MYO1G: variants seen among roughly 807,000 people sequenced by gnomAD.
MYO1G encodes the protein myosin IG, also known as unconventional myosin-Ig.
In MYO1G, 65 loss-of-function variants were observed where a neutral mutation model predicts 115.3. The observed-to-expected ratio is 0.56, with a 90% CI of 0.46 to 0.69. The LOEUF (loss-of-function observed/expected upper bound fraction) is 0.69, where lower values mean the gene tolerates loss of function less well. Ranked by LOEUF, MYO1G falls within the 30% of genes least tolerant of loss-of-function variation. The pLI is 0.00. For synonymous variants in MYO1G, 510 were observed against 552.6 expected (o/e 0.92, Z 1.08); for missense variants, 1,204 against 1,393.5 (o/e 0.86, Z 2.16).
chr7:44,970,666 AT>A lies in MYO1G; in HGVS notation c.1142del (p.Asp381ValfsTer48). Reference protein sequence around the residue: ...INSVMEPRGRDPRRDGKDTVI... With the variant: ...INSVMEPRGRXPRRDGKDTVI... The stretch of plus-strand genomic sequence containing the variant: ...CTGTGTCCTTGCCATCACGCCGAGG[AT>A]CCCGGCCCCGGGGTTCCATGACACT... On this transcript the variant is annotated frameshift_variant, in exon 9 of 22. Transcript: ENST00000258787. LOFTEE classifies it high-confidence loss of function. 6.2e-7 allele frequency: 1 copy of A among 1,613,932 alleles called. No individual in the cohort carries two copies. Among genetic ancestry groups the A allele is most frequent in the Non-Finnish European group, 8.5e-7 (1 of 1,180,032 alleles).
chr7:44,963,281 C>T lies in MYO1G; in HGVS notation c.2746-157G>A, dbSNP rs1345779268. ...CCAGCCCCCCACCGCCCCCTCCTCC[C>T]TCTCGGGGCCCTGCTGACAGGGGGA... On this transcript the variant is annotated intron_variant, in intron 20 of 21. Coordinates refer to ENST00000258787, the MANE Select transcript of MYO1G (RefSeq NM_033054.3). The surrounding 1 kb of genome is among the most constrained non-coding windows in gnomAD (Gnocchi z 4.1). 3.0e-5 allele frequency: 24 copies of T among 789,728 alleles called. No homozygotes were observed. The highest frequency in any genetic ancestry group is 1.1e-5 in the Non-Finnish European group (6 of 535,336). The allele number at this position is 789,728 out of a possible 1,614,324, so 48.9% of individuals were successfully genotyped here.
At chr7:44,972,770 G>C (rs1334641980) in intron 5 of MYO1G, 2 of 155,460 alleles carry the variant, frequency 1.3e-5, no homozygotes, top group Non-Finnish European at 2.8e-5. Flanking sequence ...GTCCTAGGGA[G>C]CTCAGCGTCT....
In MYO1G at chr7:44,970,066, C is replaced by A. The variant is rs545754641; in HGVS notation, c.1306G>T (p.Glu436Ter). The change falls in exon 10 of 22, where the codon GAG becomes TAG. Residue 436 changes from glutamate (E) to a stop codon, truncating the protein, a stop_gained. Coordinates refer to ENST00000258787, the MANE Select transcript of MYO1G (RefSeq NM_033054.3). LOFTEE classifies it high-confidence loss of function. ...CTCTGCCAGGTGATGCCCTCGCGCTCGTACTCTTCCTGTTCCTGCTTCAGG... is the reference window on the plus strand; with the variant it reads ...CTCTGCCAGGTGATGCCCTCGCGCTAGTACTCTTCCTGTTCCTGCTTCAGG... ...LILKQEQEEY[E>*]REGITWQSVE... 3 of 1,614,038 alleles carry A rather than the reference C, an allele frequency of 1.9e-6. No individual in the cohort carries two copies. Among genetic ancestry groups the A allele is most frequent in the South Asian group, 1.1e-5 (1 of 91,068 alleles).
chr7:44,972,108 C>T lies in MYO1G; in HGVS notation c.729+7G>A. The T allele has an allele frequency of 1.2e-6, 2 of 1,608,136 alleles. No individual in the cohort carries two copies. Among genetic ancestry groups the T allele is most frequent in the African/African-American group, 1.3e-5 (1 of 74,938 alleles). On this transcript the variant is annotated splice_region_variant and intron_variant, in intron 6 of 21. Coordinates refer to ENST00000258787, the MANE Select transcript of MYO1G (RefSeq NM_033054.3). Reference sequence around the variant, plus strand: ...CAGTTTGAGCCCTTGGTGCCCCTCACACTCACACTGTGCACAGTCATGTTG... The same window carrying T: ...CAGTTTGAGCCCTTGGTGCCCCTCATACTCACACTGTGCACAGTCATGTTG...
Position 44,978,921 on chromosome 7 carries a change from A to G in MYO1G, c.41T>C (p.Phe14Ser), listed in dbSNP as rs1210365013. 6.2e-6 allele frequency: 10 copies of G among 1,614,026 alleles called. No individual in the cohort carries two copies. The highest frequency in any genetic ancestry group is 8.5e-6 in the Non-Finnish European group (10 of 1,179,996). The change falls in exon 1 of 22, where the codon TTT becomes TCT. Residue 14 changes from phenylalanine (F) to serine (S), a missense_variant. Physicochemically the swap from Phe to Ser is radical, Grantham distance 155. Coordinates refer to ENST00000258787, the MANE Select transcript of MYO1G (RefSeq NM_033054.3). ...EEGPEYGKPD[F>S]VLLDQVTMED... is the part of the protein sequence containing the mutation. ...CATGGTCACTTGGTCCAAAAGCACAAAGTCAGGTTTGCCATACTCAGGGCC... is the reference window on the plus strand; with the variant it reads ...CATGGTCACTTGGTCCAAAAGCACAGAGTCAGGTTTGCCATACTCAGGGCC...
In MYO1G at chr7:44,970,819, C is replaced by G; in HGVS notation, c.1071+16G>C. The G allele has an allele frequency of 6.2e-7, 1 of 1,613,650 alleles. No homozygotes were observed. The highest frequency in any genetic ancestry group is 8.5e-7 in the Non-Finnish European group (1 of 1,179,982). ...GGCCTCCTGGGCTTCCCTCCCTGTG[C>G]CTGCCCCCAAAGTACCTTGGCACAG... On this transcript the variant is annotated intron_variant, in intron 8 of 21. Transcript: ENST00000258787.
At position 44,962,848 on chromosome 7, in the gene MYO1G, C is replaced by T; in HGVS notation, c.2948G>A (p.Ser983Asn). The change falls in exon 22 of 22, where the codon AGC (serine) becomes AAC (asparagine). Residue 983 changes from serine (S) to asparagine (N), a missense_variant. Ser to Asn is a conservative substitution (Grantham distance 46). Coordinates refer to ENST00000258787, the MANE Select transcript of MYO1G (RefSeq NM_033054.3). This position sits in a 1 kb window ranked among gnomAD's most constrained non-coding sequence, Gnocchi z 5.3. The stretch of plus-strand genomic sequence containing the variant: ...GATGAGGCGCCGGACCCCGCGATGG[C>T]TTAGTGGGATGCAGTCGGAGACGCG... ...EVRVSDCIPL[S>N]HRGVRRLISV... 1 of 1,512,850 alleles carries T rather than the reference C, an allele frequency of 6.6e-7. No homozygotes were observed. Among genetic ancestry groups the T allele is most frequent in the Non-Finnish European group, 8.8e-7 (1 of 1,133,674 alleles). 93.7% of individuals were successfully genotyped at this position (1,512,850 alleles called of 1,614,324 possible).
chr7:44,966,368 C>T lies in MYO1G; in HGVS notation c.1950-88G>A. The T allele has an allele frequency of 8.3e-7, 1 of 1,202,534 alleles. No individual in the cohort carries two copies. Among genetic ancestry groups the T allele is most frequent in the Non-Finnish European group, 1.2e-6 (1 of 844,500 alleles). 74.5% of individuals were successfully genotyped at this position (1,202,534 alleles called of 1,614,324 possible). Reference sequence around the variant, plus strand: ...GCCCACCCCACACCTGGGGAGATGGCAGGGATACAGAGTGTGTTCCTGGAG... The same window carrying T: ...GCCCACCCCACACCTGGGGAGATGGTAGGGATACAGAGTGTGTTCCTGGAG... On this transcript the variant is annotated intron_variant, in intron 15 of 21. Transcript: ENST00000258787. This position sits in a 1 kb window ranked among gnomAD's most constrained non-coding sequence, Gnocchi z 5.0.
chr7:44,966,898 C>G lies in MYO1G; in HGVS notation c.1783-60G>C. 8 of 1,517,926 alleles carry G rather than the reference C, an allele frequency of 5.3e-6. No individual in the cohort carries two copies. The highest frequency in any genetic ancestry group is 7.1e-6 in the Non-Finnish European group (8 of 1,130,128). 94.0% of individuals were successfully genotyped at this position (1,517,926 alleles called of 1,614,324 possible). A position where few individuals can be genotyped will look rare whatever the true frequency, so the allele number is the denominator to read the frequency against. On this transcript the variant is annotated intron_variant, in intron 14 of 21. Transcript: ENST00000258787. The surrounding 1 kb of genome is among the most constrained non-coding windows in gnomAD (Gnocchi z 5.0). ...GCCAGCAGCACTGTGCACCCTGCCC[C>G]ACACCAGGGGCTTCCTAACCCCTCA...
In MYO1G at chr7:44,962,981, T is replaced by A; in HGVS notation, c.2889A>T (p.Ala963=). ...RVGELVGVLA[A]HCQGEGRTLE... is the part of the protein sequence containing the mutation. ...CAGCCTGCACTCACCCCTGGCAGTG[T>A]GCGGCCAGCACGCCCACCAGCTCCC... Residue 963 remains alanine, a synonymous_variant, in exon 21 of 22, where the codon GCA becomes GCT. Transcript: ENST00000258787. The surrounding 1 kb of genome is among the most constrained non-coding windows in gnomAD (Gnocchi z 5.3). 6.5e-7 allele frequency: 1 copy of A among 1,532,912 alleles called. No homozygotes were observed. The highest frequency in any genetic ancestry group is 1.4e-5 in the African/African-American group (1 of 71,620). 95.0% of individuals were successfully genotyped at this position (1,532,912 alleles called of 1,614,324 possible).
rs552683556 is a variant in MYO1G at position 44,972,519 on chromosome 7, G to A, written c.619-294C>T. The stretch of plus-strand genomic sequence containing the variant: ...CAGTCCCTGTGGAGACATTGCCCTC[G>A]ACCCAGGGGGATCCCACCTCAGTGG... On this transcript the variant is annotated intron_variant, in intron 5 of 21. Coordinates refer to ENST00000258787, the MANE Select transcript of MYO1G (RefSeq NM_033054.3). The A allele has an allele frequency of 2.3e-5, 9 of 394,582 alleles. No individual in the cohort carries two copies. In the East Asian group the frequency reaches 2.3e-4, roughly 10 times the overall value. The allele number at this position is 394,582 out of a possible 1,614,324, so 24.4% of individuals were successfully genotyped here. A position where few individuals can be genotyped will look rare whatever the true frequency, so the allele number is the denominator to read the frequency against.
In MYO1G at chr7:44,976,991, C is replaced by T. The variant is rs1291223575; in HGVS notation, c.176G>A (p.Gly59Glu). 3 of 1,613,538 alleles carry T rather than the reference C, an allele frequency of 1.9e-6. No individual in the cohort carries two copies. The highest frequency in any genetic ancestry group is 2.5e-6 in the Non-Finnish European group (3 of 1,180,040). ...CTGGTACCTGGCGATGGCCTCAGGC[C>T]CATACAGGGGCAGCTCCTGGTAGGG... ...VNPYQELPLY[G>E]PEAIARYQGR... Residue 59 changes from glycine to glutamate, a missense_variant, in exon 2 of 22, where the codon GGG (glycine) becomes GAG (glutamate). Gly to Glu is a moderately conservative substitution (Grantham distance 98, BLOSUM62 -2). Transcript: ENST00000258787.
At position 44,966,201 on chromosome 7, in the gene MYO1G, G is replaced by C; in HGVS notation, c.2029C>G (p.Gln677Glu). ...GCCACGTCCCCCTGCAGCCCGTGCT[G>C]CTCCAGGAGAGCGCTCACGGCTGCC... ...DKAAVSALLEQHGLQGDVAFG... is the reference protein window; with the variant it reads ...DKAAVSALLEEHGLQGDVAFG... The change falls in exon 16 of 22, where the codon CAG (glutamine) becomes GAG (glutamate). Residue 677 changes from glutamine to glutamate, a missense_variant. Gln to Glu is a conservative substitution (Grantham distance 29, BLOSUM62 2). Transcript: ENST00000258787. This position sits in a 1 kb window ranked among gnomAD's most constrained non-coding sequence, Gnocchi z 5.0. 1.2e-6 allele frequency: 2 copies of C among 1,612,770 alleles called. No homozygotes were observed. Among genetic ancestry groups the C allele is most frequent in the Non-Finnish European group, 1.7e-6 (2 of 1,179,908 alleles).
Position 44,962,850 on chromosome 7 carries a change from T to TA in MYO1G, c.2945dup (p.Ser983LysfsTer?). The TA allele has an allele frequency of 2.0e-6, 3 of 1,510,770 alleles. No individual in the cohort carries two copies. The highest frequency in any genetic ancestry group is 1.8e-6 in the Non-Finnish European group (2 of 1,132,316). The allele number at this position is 1,510,770 out of a possible 1,614,324, so 93.6% of individuals were successfully genotyped here. ...TGAGGCGCCGGACCCCGCGATGGCT[T>TA]AGTGGGATGCAGTCGGAGACGCGAA... On this transcript the variant is annotated frameshift_variant, in exon 22 of 22. Coordinates refer to ENST00000258787, the MANE Select transcript of MYO1G (RefSeq NM_033054.3). LOFTEE classifies it high-confidence loss of function. The surrounding 1 kb of genome is among the most constrained non-coding windows in gnomAD (Gnocchi z 5.3).
rs1297786909 is a variant in MYO1G at position 44,966,711 on chromosome 7, C to A, written c.1910G>T (p.Gly637Val). ...AGAGTAGGGCTGGCGGGAAGCGAAG[C>A]CAGCCCTGCGGACCCTCACATTCTC... Reference protein sequence around the residue: ...LLENVRVRRAGFASRQPYSRF... With the variant: ...LLENVRVRRAVFASRQPYSRF... The change falls in exon 15 of 22, where the codon GGC becomes GTC. Residue 637 changes from glycine to valine, a missense_variant. Physicochemically the swap from Gly to Val is moderately radical, Grantham distance 109 (BLOSUM62 -3). Transcript: ENST00000258787. The surrounding 1 kb of genome is among the most constrained non-coding windows in gnomAD (Gnocchi z 5.0). 1 of 1,613,026 alleles carries A rather than the reference C, an allele frequency of 6.2e-7. No individual in the cohort carries two copies. Among genetic ancestry groups the A allele is most frequent in the Non-Finnish European group, 8.5e-7 (1 of 1,179,994 alleles).
intron 17 of MYO1G, 38 bp downstream of exon 17, chr7:44,965,599 C>A: frequency 1.3e-6 from 2 of 1,570,066 alleles, no homozygotes; most frequent in Non-Finnish European, 8.8e-7. Context: ...TCAGTGGATG[C>A]CAGCTGAATG....
chr7:44,963,396 G>A lies in MYO1G; in HGVS notation c.2746-272C>T. On this transcript the variant is annotated intron_variant, in intron 20 of 21. Transcript: ENST00000258787. The surrounding 1 kb of genome is among the most constrained non-coding windows in gnomAD (Gnocchi z 4.1). ...CCAACAGGGCCGCCACTGCTCACCT[G>A]TGGATGCTAAGCCCTTGCATGTGCT... The A allele has an allele frequency of 2.2e-6, 1 of 464,574 alleles. No homozygotes were observed. The highest frequency in any genetic ancestry group is 3.8e-6 in the Non-Finnish European group (1 of 265,344). The allele number at this position is 464,574 out of a possible 1,614,324, so 28.8% of individuals were successfully genotyped here.
chr7:44,976,163 C>A (rs977317653), intron 3 of MYO1G, among the ~76,000 whole-genome samples: 1 of 152,246 alleles, frequency 6.6e-6, no homozygotes, highest in South Asian at 2.1e-4. Context: ...CTGGCCATCA[C>A]CCACACAGCC....
At chr7:44,973,665 G>A (rs758201086) in intron 5 of MYO1G, 5 of 151,178 alleles carry the variant, frequency 3.3e-5, no homozygotes, top group Non-Finnish European at 5.9e-5. Flanking sequence ...CTCATGGGGA[G>A]CTCAGAGTCT....
Sources: allele counts gnomAD v4.1 joint callset (sites outside exome capture counted in the v4.1 genomes callset), GRCh38; gene constraint gnomAD v4.1.1; non-coding constraint Gnocchi (gnomAD v3.1); transcripts MANE v1.5; gene names NCBI Gene and HGNC (gene_info 2026-07-23, HGNC 2026-07-21).